The following MSRA variants were observed in gnomAD, a reference collection of about 807,000 sequenced individuals.
The protein encoded by MSRA is mitochondrial peptide methionine sulfoxide reductase.
Under a neutral mutation model 31.3 loss-of-function variants are expected in MSRA, and 54 were observed. That is an observed-to-expected ratio of 1.73 (90% CI 1.39 to 2.17). The LOEUF (loss-of-function observed/expected upper bound fraction) is 2.17, where lower values mean the gene tolerates loss of function less well. Among genes scored for constraint, MSRA ranks in the 30% most tolerant of loss-of-function variants. The probability of loss-of-function intolerance (pLI) is 0.00; values close to 1 mark genes in which losing one functional copy is unlikely to be tolerated. For missense variants in MSRA, 507 were observed against 300.9 expected (o/e 1.69, Z -5.07); for synonymous variants, 169 against 116.5 (o/e 1.45, Z -2.90).
intron 1 of MSRA, among the ~76,000 whole-genome samples, chr8:10,121,834 C>G (rs1487451417): frequency 8.9e-6 from 1 of 111,980 alleles, no homozygotes; most frequent in Non-Finnish European, 1.8e-5. Context: ...CCATACGCAA[C>G]TAATTTTTAA....
intron 5 of MSRA, among the ~76,000 whole-genome samples, chr8:10,362,821 C>T (rs1406829219): frequency 6.6e-6 from 1 of 151,992 alleles, no homozygotes; most frequent in Non-Finnish European, 1.5e-5. Flanking sequence ...ACGCAACTGC[C>T]CGCGCCACCG....
intron 1 of MSRA, among the ~76,000 whole-genome samples, chr8:10,177,640 T>C (rs1806173253): frequency 6.6e-6 from 1 of 152,218 alleles, no homozygotes; most frequent in Non-Finnish European, 1.5e-5. Flanking sequence ...TGACATGATG[T>C]ATACCATTAA....
At chr8:10,121,124 T>C (rs1442953476) in intron 1 of MSRA, among the ~76,000 whole-genome samples, 2 of 152,150 alleles carry the variant, frequency 1.3e-5, no homozygotes, top group Non-Finnish European at 2.9e-5. Context: ...AAGCTGGCAG[T>C]AAGGATGATC....
intron 3 of MSRA, among the ~76,000 whole-genome samples, chr8:10,252,211 G>A (rs1313902929): frequency 2.0e-5 from 3 of 152,178 alleles, no homozygotes; most frequent in Non-Finnish European, 4.4e-5. Context: ...TTATTAGAAG[G>A]GTTGAAAATG....
chr8:10,074,105 T>C (rs544050573), intron 1 of MSRA, among the ~76,000 whole-genome samples: 2 of 121,940 alleles, frequency 1.6e-5, no homozygotes, highest in African/African-American at 6.2e-5. Flanking sequence ...TTTTATTAAA[T>C]GGAGTCTCGC....
At position 10,220,392 on chromosome 8, in the gene MSRA, A is replaced by G. The variant is rs115385454; in HGVS notation, c.211+12491A>G. Reference sequence around the variant, plus strand: ...ATATGGAAATAATCAGTGATACATCATGGTAGACATTACCATGAAGAAACT... The same window carrying G: ...ATATGGAAATAATCAGTGATACATCGTGGTAGACATTACCATGAAGAAACT... On this transcript the variant is annotated intron_variant, in intron 2 of 5. Coordinates refer to ENST00000317173, the MANE Select transcript of MSRA (RefSeq NM_012331.5). Among the ~76,000 whole-genome samples, 398 of 152,356 alleles carry G rather than the reference A, an allele frequency of 2.6e-3. 3 individuals carry two copies. The highest frequency in any genetic ancestry group is 9.1e-3 in the African/African-American group (379 of 41,580).
intron 3 of MSRA, among the ~76,000 whole-genome samples, chr8:10,259,652 T>A (rs926703221): frequency 7.2e-5 from 11 of 152,286 alleles, no homozygotes; most frequent in African/African-American, 2.4e-4. Flanking sequence ...TATGTTGATA[T>A]TCCCCTCCAG....
intron 1 of MSRA, among the ~76,000 whole-genome samples, chr8:10,097,570 A>C (rs1410952001): frequency 1.3e-5 from 2 of 152,188 alleles, no homozygotes; most frequent in Non-Finnish European, 2.9e-5. Context: ...ATTTATATTT[A>C]CTTCCATTTA....
At chr8:10,284,530 C>G (rs1799830617) in intron 3 of MSRA, among the ~76,000 whole-genome samples, 1 of 152,146 alleles carries the variant, frequency 6.6e-6, no homozygotes, top group Non-Finnish European at 1.5e-5. Flanking sequence ...TTACAGAAAC[C>G]TTTAAAAAAG....
intron 2 of MSRA, among the ~76,000 whole-genome samples, chr8:10,221,843 A>G (rs765112951): frequency 1.3e-5 from 2 of 152,154 alleles, no homozygotes; most frequent in Admixed American, 1.3e-4. Context: ...GCACAGATTT[A>G]TGGAAAAAGT....
At chr8:10,360,241 G>T (rs1804766872) in intron 5 of MSRA, among the ~76,000 whole-genome samples, 1 of 152,104 alleles carries the variant, frequency 6.6e-6, no homozygotes, top group African/African-American at 2.4e-5. Flanking sequence ...TGGATATTTT[G>T]GTGTTTTGTG....
At chr8:10,344,574 CAAAAAAAAAAAAAAAAA>C (rs56843505) in intron 5 of MSRA, among the ~76,000 whole-genome samples, 1 of 64,610 alleles carries the variant, frequency 1.5e-5, no homozygotes, top group East Asian at 8.8e-4. Context: ...GACTCCGTCT[CAAAAAAAAAAAAAAAAA>C]AAAAAAAAAA....
chr8:10,275,783 A>G (rs1421041450), intron 3 of MSRA, among the ~76,000 whole-genome samples: 3 of 152,230 alleles, frequency 2.0e-5, no homozygotes, highest in Admixed American at 2.0e-4. Flanking sequence ...CAATCCATGA[A>G]AAAAGCAGGG....
At chr8:10,082,421 G>A (rs1798341404) in intron 1 of MSRA, among the ~76,000 whole-genome samples, 4 of 152,096 alleles carry the variant, frequency 2.6e-5, no homozygotes, top group African/African-American at 9.7e-5. Context: ...TGAGGGCGAA[G>A]CTGTCCACCT....
chr8:10,325,532 T>G (rs1024548851), intron 5 of MSRA, among the ~76,000 whole-genome samples: 9 of 152,220 alleles, frequency 5.9e-5, no homozygotes, highest in Admixed American at 2.6e-4. Flanking sequence ...TAAAGTTAAA[T>G]GCATTCATGT....
intron 5 of MSRA, among the ~76,000 whole-genome samples, chr8:10,382,897 G>C (rs575525802): frequency 6.6e-6 from 1 of 152,124 alleles, no homozygotes; most frequent in Non-Finnish European, 1.5e-5. Flanking sequence ...ACCCTCCACC[G>C]CCAGCTCCCT....
rs1554536323 is a variant in MSRA, at chr8:10,351,273, T to TTA, written c.543+31284_543+31285insTA. Among the ~76,000 whole-genome samples the TTA allele has an allele frequency of 2.6e-4, 37 of 143,134 alleles. 1 individual carries two copies. The highest frequency in any genetic ancestry group is 6.9e-4 in the South Asian group (3 of 4,368). The allele number at this position is 143,134 out of a possible 152,430, so 93.9% of individuals were successfully genotyped here. On this transcript the variant is annotated intron_variant, in intron 5 of 5. Transcript: ENST00000317173. ...TTTTTTTTTTTTTTTTTTTTTTTTT[T>TTA]AGACGGAGTCTCGCTCTGTTGCCGG...
chr8:10,370,246 C>G (rs945029282), intron 5 of MSRA, among the ~76,000 whole-genome samples: 1 of 152,158 alleles, frequency 6.6e-6, no homozygotes, highest in African/African-American at 2.4e-5. Flanking sequence ...ATCACATAAC[C>G]AATAAGTGGC....
At chr8:10,069,944 C>T (rs936778646) in intron 1 of MSRA, among the ~76,000 whole-genome samples, 9 of 152,102 alleles carry the variant, frequency 5.9e-5, no homozygotes, top group African/African-American at 2.2e-4. Context: ...CCCTCTTTAA[C>T]GTTGAAATAT....
Sources: gnomAD v4.1 joint callset for allele counts (sites outside exome capture counted in the v4.1 genomes callset) on GRCh38, gnomAD v4.1.1 for gene constraint, MANE v1.5 for transcripts, NCBI Gene and HGNC (gene_info 2026-07-23, HGNC 2026-07-21) for gene names.